The following CAMK1D variants were observed in gnomAD, a reference collection of about 807,000 sequenced individuals.
CAMK1D encodes the protein calcium/calmodulin-dependent protein kinase type 1D.
In CAMK1D, 9 loss-of-function variants were observed where a neutral mutation model predicts 47.7. That is an observed-to-expected ratio of 0.19 (90% CI 0.11 to 0.33). CAMK1D has a LOEUF of 0.33. Among genes scored for constraint, CAMK1D ranks in the 10% least tolerant of loss-of-function variants. The probability of loss-of-function intolerance (pLI) is 1.00; values close to 1 mark genes in which losing one functional copy is unlikely to be tolerated. For missense variants in CAMK1D, 291 were observed against 488.7 expected (o/e 0.60, Z 3.81); for synonymous variants, 184 against 184.9 (o/e 0.99, Z 0.04).
intron 1 of CAMK1D, among the ~76,000 whole-genome samples, chr10:12,376,055 C>T (rs914042946): frequency 2.8e-5 from 4 of 142,410 alleles, no homozygotes; most frequent in South Asian, 2.3e-4. Context: ...CCCAGCTACT[C>T]GGGAGGCTGA....
intron 2 of CAMK1D, among the ~76,000 whole-genome samples, chr10:12,629,188 C>G (rs1839308828): frequency 6.6e-6 from 1 of 152,190 alleles, no homozygotes; most frequent in Non-Finnish European, 1.5e-5. Context: ...TTAATCTCCA[C>G]TCCACTGTAT....
At chr10:12,355,594 G>C (rs1043673713) in intron 1 of CAMK1D, among the ~76,000 whole-genome samples, 1 of 152,040 alleles carries the variant, frequency 6.6e-6, no homozygotes, top group Non-Finnish European at 1.5e-5. Context: ...CTTAGAATTT[G>C]AGAGTCCGTG....
chr10:12,657,193 G>C (rs1424793449), intron 2 of CAMK1D, among the ~76,000 whole-genome samples: 1 of 152,150 alleles, frequency 6.6e-6, no homozygotes, highest in Non-Finnish European at 1.5e-5. Flanking sequence ...TTGGGAGGCC[G>C]AGGCAGGCTG....
chr10:12,431,466 A>G (rs1198785044), intron 1 of CAMK1D, among the ~76,000 whole-genome samples: 1 of 152,206 alleles, frequency 6.6e-6, no homozygotes, highest in Non-Finnish European at 1.5e-5. Context: ...GCCGATTCTC[A>G]GACTCCAAGA....
At chr10:12,597,301 A>T (rs1306593004) in intron 2 of CAMK1D, among the ~76,000 whole-genome samples, 1 of 152,182 alleles carries the variant, frequency 6.6e-6, no homozygotes. Flanking sequence ...TTGGGAACTG[A>T]ACTCAGCTAT....
At chr10:12,591,643 C>G (rs1388719098) in intron 2 of CAMK1D, among the ~76,000 whole-genome samples, 1 of 152,172 alleles carries the variant, frequency 6.6e-6, no homozygotes, top group Non-Finnish European at 1.5e-5. Context: ...CTTGACTGTT[C>G]TCTCTGTTTC....
chr10:12,481,755 G>A (rs988746016), intron 1 of CAMK1D, among the ~76,000 whole-genome samples: 2 of 152,094 alleles, frequency 1.3e-5, no homozygotes, highest in Non-Finnish European at 2.9e-5. Context: ...TGATCTGCCC[G>A]CCTTGGCCTC....
At chr10:12,605,692 C>T (rs10906183) in intron 2 of CAMK1D, among the ~76,000 whole-genome samples, 52,557 of 151,976 alleles carry the variant, frequency 0.35, 11,327 homozygotes, top group East Asian at 0.53. Context: ...CTGGGGGCTG[C>T]GGTGCCACTG....
At chr10:12,811,389 G>A (rs556815755) in intron 6 of CAMK1D, among the ~76,000 whole-genome samples, 1 of 152,248 alleles carries the variant, frequency 6.6e-6, no homozygotes, top group South Asian at 2.1e-4. Context: ...GACATAGCTT[G>A]GCCAGGGAGC....
At chr10:12,541,452 T>C (rs1244014365) in intron 1 of CAMK1D, among the ~76,000 whole-genome samples, 4 of 152,178 alleles carry the variant, frequency 2.6e-5, no homozygotes, top group Admixed American at 1.3e-4. Context: ...CAACCTCCGC[T>C]GCCTGGGTTC....
chr10:12,549,154 C>A (rs898439557), intron 1 of CAMK1D, among the ~76,000 whole-genome samples: 7 of 152,214 alleles, frequency 4.6e-5, no homozygotes, highest in African/African-American at 1.7e-4. Context: ...CCGTGCCTGG[C>A]TTCCAGATCC....
intron 2 of CAMK1D, among the ~76,000 whole-genome samples, chr10:12,563,686 A>G (rs1441307316): frequency 6.9e-6 from 1 of 144,804 alleles, no homozygotes; most frequent in Admixed American, 6.8e-5. Context: ...AGAGAGAGAG[A>G]GAGAGAGAGA....
intron 3 of CAMK1D, among the ~76,000 whole-genome samples, chr10:12,714,837 C>T (rs1296502766): frequency 6.8e-6 from 1 of 148,038 alleles, no homozygotes; most frequent in Admixed American, 6.7e-5. Context: ...TTTTAGTTAC[C>T]TTTTTTTATT....
At chr10:12,686,115 C>G (rs907073490) in intron 3 of CAMK1D, among the ~76,000 whole-genome samples, 2 of 152,152 alleles carry the variant, frequency 1.3e-5, no homozygotes, top group African/African-American at 4.8e-5. Flanking sequence ...CATTTTCTTT[C>G]TAAGGCTCTT....
chr10:12,589,256 T>G (rs1313052266), intron 2 of CAMK1D, among the ~76,000 whole-genome samples: 2 of 152,204 alleles, frequency 1.3e-5, no homozygotes, highest in South Asian at 4.1e-4. Context: ...TCAAACAATC[T>G]TCCCACCTTG....
intron 2 of CAMK1D, among the ~76,000 whole-genome samples, chr10:12,567,717 C>T (rs1033689291): frequency 3.3e-5 from 5 of 152,110 alleles, no homozygotes; most frequent in African/African-American, 9.7e-5. Context: ...TGCCTGTGAA[C>T]GTGTGGTTTC....
At chr10:12,800,372 A>G (rs1162737540) in intron 6 of CAMK1D, among the ~76,000 whole-genome samples, 1 of 152,238 alleles carries the variant, frequency 6.6e-6, no homozygotes, top group African/African-American at 2.4e-5. Flanking sequence ...AAAGTCTGTC[A>G]TATTATACAG....
At chr10:12,766,504 G>A (rs1836772401) in intron 4 of CAMK1D, among the ~76,000 whole-genome samples, 1 of 151,616 alleles carries the variant, frequency 6.6e-6, no homozygotes. Flanking sequence ...TTTTCTGTTG[G>A]CACAGCTGCT....
chr10:12,630,463 A>G (rs1299773139), intron 2 of CAMK1D, among the ~76,000 whole-genome samples: 2 of 151,162 alleles, frequency 1.3e-5, no homozygotes, highest in African/African-American at 4.9e-5. Context: ...TGCAGCCTTG[A>G]ACTCTTGTAC....
Sources: allele counts gnomAD v4.1 joint callset (sites outside exome capture counted in the v4.1 genomes callset), GRCh38; gene constraint gnomAD v4.1.1; transcripts MANE v1.5; gene names NCBI Gene and HGNC (gene_info 2026-07-23, HGNC 2026-07-21).